The following GALNT13 variants were observed in gnomAD, a reference collection of about 807,000 sequenced individuals.
GALNT13 encodes polypeptide N-acetylgalactosaminyltransferase 13.
In GALNT13, 28 loss-of-function variants were observed where a neutral mutation model predicts 64.2. The ratio of observed to expected loss-of-function variants is 0.44; its 90% CI spans 0.32 to 0.60. The LOEUF (loss-of-function observed/expected upper bound fraction) is 0.60. Ranked by LOEUF, GALNT13 falls within the 20% of genes least tolerant of loss-of-function variation. The pLI is 0.05. For missense variants in GALNT13, 577 were observed against 669.8 expected, an observed-to-expected ratio of 0.86 and a Z score of 1.53; for synonymous variants, 214 against 224.6, an observed-to-expected ratio of 0.95 and a Z score of 0.42.
the GALNT13 span, among the ~76,000 whole-genome samples, chr2:153,627,372 A>T: frequency 6.6e-6 from 1 of 152,100 alleles, no homozygotes; most frequent in African/African-American, 2.4e-5. Context: ...TTGGTTGCAA[A>T]GTAGAATAAG....
At chr2:153,988,150 C>T (rs1694928342) in intron 3 of GALNT13, among the ~76,000 whole-genome samples, 1 of 151,630 alleles carries the variant, frequency 6.6e-6, no homozygotes, top group African/African-American at 2.4e-5. Flanking sequence ...TTCATTGCCT[C>T]TTTTACCTAT....
At chr2:154,092,075 G>GAAA (rs58406719) in intron 3 of GALNT13, among the ~76,000 whole-genome samples, 2 of 74,500 alleles carry the variant, frequency 2.7e-5, no homozygotes, top group Admixed American at 1.8e-4. Context: ...TTCATGTCTG[G>GAAA]AAAAAAAAAA....
chr2:154,362,100 A>T (rs528853512), intron 9 of GALNT13, among the ~76,000 whole-genome samples: 1 of 132,276 alleles, frequency 7.6e-6, no homozygotes, highest in Non-Finnish European at 1.6e-5. Flanking sequence ...AAGGCAATGA[A>T]GATAAACAAC....
At chr2:154,087,074 A>T (rs1455362114) in intron 3 of GALNT13, among the ~76,000 whole-genome samples, 1 of 152,112 alleles carries the variant, frequency 6.6e-6, no homozygotes, top group Non-Finnish European at 1.5e-5. Flanking sequence ...TGAATTGTTC[A>T]TATGTGCAGA....
the GALNT13 span, chr2:153,172,105 T>A: frequency 1.3e-5 from 2 of 152,144 alleles, no homozygotes; most frequent in African/African-American, 4.8e-5. Context: ...TTGACTGAAG[T>A]CCTAGAGGAG....
At chr2:154,180,537 T>C (rs1685903017) in intron 4 of GALNT13, among the ~76,000 whole-genome samples, 1 of 152,050 alleles carries the variant, frequency 6.6e-6, no homozygotes, top group African/African-American at 2.4e-5. Flanking sequence ...TTTGTTTTTT[T>C]CTGATTATAA....
At chr2:153,803,520 G>A in the GALNT13 span, among the ~76,000 whole-genome samples, 9 of 151,794 alleles carry the variant, frequency 5.9e-5, no homozygotes, top group East Asian at 1.9e-4. Flanking sequence ...GTGAAACCCC[G>A]TCTCTACTAA....
chr2:154,268,257 A>G (rs1297971857), intron 8 of GALNT13, among the ~76,000 whole-genome samples: 2 of 152,226 alleles, frequency 1.3e-5, no homozygotes, highest in African/African-American at 4.8e-5. Context: ...CTATTAATGC[A>G]CCCTACAACT....
Position 154,259,054 on chromosome 2 carries a change from T to C in GALNT13, c.891T>C (p.Ile297=). Residue 297 remains isoleucine, a synonymous_variant, in exon 8 of 13, where the codon ATT becomes ATC. Transcript: ENST00000392825. ...TPTMAGGLFS[I]DRNYFEEIGT... ...CTATGGCTGGTGGCCTATTTTCTATTGACAGAAACTACTTTGAAGAGATAG... is the reference window on the plus strand; with the variant it reads ...CTATGGCTGGTGGCCTATTTTCTATCGACAGAAACTACTTTGAAGAGATAG... The C allele has an allele frequency of 2.5e-6, 4 of 1,608,014 alleles. No individual in the cohort carries two copies. The highest frequency in any genetic ancestry group is 3.4e-6 in the Non-Finnish European group (4 of 1,176,194).
chr2:154,077,703 C>T (rs1348495754), intron 3 of GALNT13, among the ~76,000 whole-genome samples: 1 of 151,404 alleles, frequency 6.6e-6, no homozygotes, highest in Non-Finnish European at 1.5e-5. Context: ...TAGTCATTGA[C>T]ATCAAGGAAT....
intron 4 of GALNT13, among the ~76,000 whole-genome samples, chr2:154,184,128 ATATAT>A (rs1254994882): frequency 3.3e-5 from 5 of 151,864 alleles, no homozygotes; most frequent in Non-Finnish European, 7.4e-5. Context: ...CATGGGTAAA[ATATAT>A]TATACGAATT....
At chr2:153,996,667 T>A (rs772542176) in intron 3 of GALNT13, among the ~76,000 whole-genome samples, 1 of 152,152 alleles carries the variant, frequency 6.6e-6, no homozygotes, top group African/African-American at 2.4e-5. Flanking sequence ...CAGAAGTTTC[T>A]TAGTTTTACA....
chr2:153,714,116 C>G, the GALNT13 span, among the ~76,000 whole-genome samples: 1,348 of 152,316 alleles, frequency 8.9e-3, 11 homozygotes, highest in South Asian at 0.02. Flanking sequence ...TTTCCTATAT[C>G]ACGGTGAGTT....
intron 3 of GALNT13, among the ~76,000 whole-genome samples, chr2:154,037,117 AT>A (rs966171569): frequency 2.6e-5 from 4 of 152,040 alleles, no homozygotes; most frequent in Admixed American, 2.0e-4. Flanking sequence ...ACATATGTTT[AT>A]TTTTTTAATG....
the GALNT13 span, among the ~76,000 whole-genome samples, chr2:153,235,591 G>A: frequency 6.6e-6 from 1 of 152,074 alleles, no homozygotes; most frequent in Non-Finnish European, 1.5e-5. Flanking sequence ...ATTATAGTGA[G>A]CATAGGTCAG....
At chr2:153,496,939 A>G in the GALNT13 span, among the ~76,000 whole-genome samples, 1 of 149,246 alleles carries the variant, frequency 6.7e-6, no homozygotes, top group Non-Finnish European at 1.5e-5. Context: ...AGTTGCAGTG[A>G]ACTGAGATTG....
At chr2:154,371,766 T>TTG (rs776465443) in intron 9 of GALNT13, among the ~76,000 whole-genome samples, 15,890 of 151,162 alleles carry the variant, frequency 0.11, 1,040 homozygotes, top group Non-Finnish European at 0.14. Flanking sequence ...TAAGCTTTTT[T>TTG]TGTGTGTGTG....
chr2:153,599,676 C>G, the GALNT13 span, among the ~76,000 whole-genome samples: 3 of 151,928 alleles, frequency 2.0e-5, no homozygotes, highest in South Asian at 2.1e-4. Flanking sequence ...CACAACTCCC[C>G]AAGAGACACC....
intron 3 of GALNT13, among the ~76,000 whole-genome samples, chr2:153,946,553 C>G (rs1691762287): frequency 6.6e-6 from 1 of 152,172 alleles, no homozygotes; most frequent in South Asian, 2.1e-4. Context: ...GATGCAACGT[C>G]TGATAAGGGG....
Sources: gnomAD v4.1 joint callset for allele counts (sites outside exome capture counted in the v4.1 genomes callset) on GRCh38, gnomAD v4.1.1 for gene constraint, MANE v1.5 for transcripts, NCBI Gene and HGNC (gene_info 2026-07-23, HGNC 2026-07-21) for gene names.